The following SORT1 variants were observed in gnomAD, a reference collection of about 807,000 sequenced individuals.
SORT1 encodes the protein sortilin 1.
SORT1 carries 39 observed loss-of-function variants against 101.7 expected under a neutral mutation model. The ratio of observed to expected loss-of-function variants is 0.38; its 90% CI spans 0.30 to 0.50. The LOEUF (loss-of-function observed/expected upper bound fraction) is 0.50, where lower values mean the gene tolerates loss of function less well. SORT1 is among the 20% of genes least tolerant of loss of function. The pLI is 0.90. For missense variants in SORT1, 878 were observed against 1,040.4 expected, an observed-to-expected ratio of 0.84 and a Z score of 2.15; for synonymous variants, 396 against 393.7, an observed-to-expected ratio of 1.01 and a Z score of -0.07.
chr1:109,315,141 A>C (rs1280819578), intron 17 of SORT1, among the ~76,000 whole-genome samples: 2 of 152,214 alleles, frequency 1.3e-5, no homozygotes, highest in Non-Finnish European at 2.9e-5. Flanking sequence ...CTGTAACAGT[A>C]GGCTGAATGA....
At chr1:109,339,068 G>A (rs937111070) in intron 10 of SORT1, among the ~76,000 whole-genome samples, 5 of 151,974 alleles carry the variant, frequency 3.3e-5, no homozygotes, top group African/African-American at 7.3e-5. Context: ...TAGTAGAGAC[G>A]GGGTTTCGCC....
intron 5 of SORT1, among the ~76,000 whole-genome samples, chr1:109,354,064 C>T (rs959620716): frequency 7.9e-5 from 12 of 152,120 alleles, no homozygotes; most frequent in Non-Finnish European, 1.5e-4. Context: ...TTATGCTTGT[C>T]CCTTGTAGCA....
At chr1:109,382,141 T>C (rs1363314720) in intron 1 of SORT1, among the ~76,000 whole-genome samples, 3 of 152,134 alleles carry the variant, frequency 2.0e-5, no homozygotes, top group African/African-American at 7.2e-5. Flanking sequence ...AGTTTATCTA[T>C]TTATTCTTTT....
chr1:109,340,532 A>T (rs547696711), intron 10 of SORT1, among the ~76,000 whole-genome samples, 192 bp downstream of exon 10: 1 of 152,110 alleles, frequency 6.6e-6, no homozygotes, highest in East Asian at 1.9e-4. Flanking sequence ...ATTGTACCCT[A>T]TACAATGTTA....
chr1:109,346,512 G>A (rs965687029), intron 7 of SORT1, among the ~76,000 whole-genome samples: 10 of 151,870 alleles, frequency 6.6e-5, no homozygotes, highest in Non-Finnish European at 1.3e-4. Flanking sequence ...TTGGGAGGCC[G>A]AGCCGGGTGG....
At chr1:109,343,081 A>G (rs1649336194) in intron 8 of SORT1, among the ~76,000 whole-genome samples, 1 of 152,162 alleles carries the variant, frequency 6.6e-6, no homozygotes, top group African/African-American at 2.4e-5. Flanking sequence ...TAGCATAGGA[A>G]GCTACCTCTG....
intron 1 of SORT1, chr1:109,392,571 T>C: frequency 1.0e-6 from 1 of 980,052 alleles, no homozygotes; most frequent in Non-Finnish European, 1.2e-6. Flanking sequence ...GCCAAACATT[T>C]GAGTCAGCAG....
intron 1 of SORT1, among the ~76,000 whole-genome samples, chr1:109,393,872 T>G (rs983904506): frequency 4.0e-5 from 6 of 151,610 alleles, no homozygotes; most frequent in East Asian, 1.9e-4. Flanking sequence ...CAAATATATA[T>G]TTATACAATA....
chr1:109,353,286 C>T (rs1435287414), intron 5 of SORT1, among the ~76,000 whole-genome samples: 3 of 149,504 alleles, frequency 2.0e-5, no homozygotes, highest in Admixed American at 6.7e-5. Flanking sequence ...CCAGATTGAG[C>T]CATTGCACTC....
intron 1 of SORT1, among the ~76,000 whole-genome samples, chr1:109,379,355 G>A (rs1056755201): frequency 3.9e-5 from 6 of 151,912 alleles, no homozygotes; most frequent in South Asian, 2.1e-4. Flanking sequence ...GAAAGTTTAC[G>A]AATTTGTATT....
At chr1:109,317,068 C>T (rs1487996211) in intron 16 of SORT1, 110 bp from the exon 17 acceptor site, 2 of 717,998 alleles carry the variant, frequency 2.8e-6, no homozygotes, top group Non-Finnish European at 4.8e-6. Flanking sequence ...CCCATCCTTA[C>T]GTCATGTTTC....
At chr1:109,345,603 T>C in intron 8 of SORT1, 148 bp downstream of exon 8, 1 of 664,050 alleles carries the variant, frequency 1.5e-6, no homozygotes, top group Non-Finnish European at 2.5e-6. Context: ...CAATCAGCCT[T>C]TGCAAAAAGA....
At chr1:109,315,968 C>A (rs1163488714) in intron 17 of SORT1, among the ~76,000 whole-genome samples, 2 of 151,684 alleles carry the variant, frequency 1.3e-5, no homozygotes, top group Non-Finnish European at 2.9e-5. Flanking sequence ...CCATGTTGCC[C>A]AGGCTGCTCT....
Position 109,311,672 on chromosome 1 carries a change from A to T in SORT1, c.*2371T>A, listed in dbSNP as rs867321080. On this transcript the variant is annotated 3_prime_UTR_variant, in exon 20 of 20. Coordinates refer to ENST00000256637, the MANE Select transcript of SORT1 (RefSeq NM_002959.7). ...TTCTGCAAACGTATTTAAAATTCCC[A>T]TTACTTTTGTTTTCAGCCATGAAAG... The T allele has an allele frequency of 6.6e-6, 1 of 152,140 alleles. No homozygotes were observed. The highest frequency in any genetic ancestry group is 2.4e-5 in the African/African-American group (1 of 41,424). 9.4% of individuals were successfully genotyped at this position (152,140 alleles called of 1,614,324 possible).
intron 15 of SORT1, among the ~76,000 whole-genome samples, chr1:109,322,156 T>C (rs1647675009): frequency 6.6e-6 from 1 of 151,966 alleles, no homozygotes; most frequent in South Asian, 2.1e-4. Context: ...CAAGCTGGTC[T>C]CAAACTCCTG....
At position 109,397,791 on chromosome 1, in the gene SORT1, C is replaced by T. The variant is rs1012296766; in HGVS notation, c.102G>A (p.Gln34=). 2.8e-4 allele frequency: 345 copies of T among 1,253,500 alleles called. No individual in the cohort carries two copies. In the African/African-American group the frequency reaches 5.0e-3, roughly 18 times the overall value. The allele number at this position is 1,253,500 out of a possible 1,614,324, so 77.6% of individuals were successfully genotyped here. Residue 34 remains glutamine, a synonymous_variant, in exon 1 of 20, where the codon CAG becomes CAA. Coordinates refer to ENST00000256637, the MANE Select transcript of SORT1 (RefSeq NM_002959.7). ...LQLLPPSTLS[Q]DRLDAPPPPA... Reference sequence around the variant, plus strand: ...GCGGCGGCGGCGCGTCCAGCCGGTCCTGGCTGAGGGTCGACGGCGGCAGCA... The same window carrying T: ...GCGGCGGCGGCGCGTCCAGCCGGTCTTGGCTGAGGGTCGACGGCGGCAGCA...
Position 109,322,919 on chromosome 1 carries a change from G to A in SORT1, c.2024+13C>T. On this transcript the variant is annotated intron_variant, in intron 15 of 19. Transcript: ENST00000256637. ...GGGAAAGGGAGACAGAGAAATCTGAGGAATGCTGATACCAGAGAAAGTCCT... is the reference window on the plus strand; with the variant it reads ...GGGAAAGGGAGACAGAGAAATCTGAAGAATGCTGATACCAGAGAAAGTCCT... 2 of 1,600,840 alleles carry A rather than the reference G, an allele frequency of 1.2e-6. No homozygotes were observed. Among genetic ancestry groups the A allele is most frequent in the East Asian group, 4.5e-5 (2 of 44,728 alleles).
At chr1:109,326,480 CA>C (rs1648058640) in intron 13 of SORT1, among the ~76,000 whole-genome samples, 2 of 114,492 alleles carry the variant, frequency 1.7e-5, no homozygotes, top group African/African-American at 6.4e-5. Flanking sequence ...CACACACACA[CA>C]CACATATATA....
Position 109,314,261 on chromosome 1 carries a change from C to T in SORT1, c.2481G>A (p.Glu827=). Residue 827 remains glutamate, a splice_region_variant and synonymous_variant, in exon 19 of 20, where the codon GAG becomes GAA. Transcript: ENST00000256637. ...NKSGYHDDSD[E]DLLE is the part of the protein sequence containing the mutation. ...ACCATTCAAGAAGAAATAGCCTCACCTCATCTGAGTCATCATGATAACCAC... is the reference window on the plus strand; with the variant it reads ...ACCATTCAAGAAGAAATAGCCTCACTTCATCTGAGTCATCATGATAACCAC... 1 of 1,613,306 alleles carries T rather than the reference C, an allele frequency of 6.2e-7. No homozygotes were observed.
Sources: gnomAD v4.1 joint callset for allele counts (sites outside exome capture counted in the v4.1 genomes callset) on GRCh38, gnomAD v4.1.1 for gene constraint, MANE v1.5 for transcripts, NCBI Gene and HGNC (gene_info 2026-07-23, HGNC 2026-07-21) for gene names.